Variants in ANK3 observed in about 807,000 individuals in gnomAD.
ANK3 encodes ankyrin 3.
Under a neutral mutation model 370.9 loss-of-function variants are expected in ANK3, and 57 were observed. The observed-to-expected ratio is 0.15, with a 90% CI of 0.12 to 0.19. The LOEUF is 0.19. Ranked by LOEUF, ANK3 falls within the 10% of genes least tolerant of loss-of-function variation. ANK3 has a pLI of 1.00. For missense variants in ANK3, 4,439 were observed against 5,302.1 expected (o/e 0.84, Z 5.06); for synonymous variants, 1,929 against 1,946.3 (o/e 0.99, Z 0.23).
At position 60,439,546 on chromosome 10, in the gene ANK3, G is replaced by A. The variant is rs770162373; in HGVS notation, c.97-159907C>T. On this transcript the variant is annotated intron_variant, in intron 2 of 43. Coordinates refer to the ANK3 transcript ENST00000373827. ...TAAAAAAAAACAAAAAACACAGACC[G>A]TGTTTGAGAATTTATATATGAAGTT... Among the ~76,000 whole-genome samples the A allele has an allele frequency of 2.4e-4, 36 of 152,182 alleles. 1 individual carries two copies. Among genetic ancestry groups the A allele is most frequent in the Admixed American group, 8.5e-4 (13 of 15,284 alleles).
At chr10:60,530,504 C>A (rs773940449) in intron 2 of ANK3, among the ~76,000 whole-genome samples, 1 of 149,140 alleles carries the variant, frequency 6.7e-6, no homozygotes, top group Non-Finnish European at 1.5e-5. Flanking sequence ...GATAAGAAAA[C>A]TAAGGCACTG....
chr10:60,550,668 A>G (rs1408472516), intron 2 of ANK3, among the ~76,000 whole-genome samples: 1 of 152,106 alleles, frequency 6.6e-6, no homozygotes, highest in African/African-American at 2.4e-5. Context: ...AATAAATGAT[A>G]TTTAACTTTA....
chr10:60,452,641 T>C (rs889631377), intron 2 of ANK3, among the ~76,000 whole-genome samples: 2 of 152,238 alleles, frequency 1.3e-5, no homozygotes, highest in Non-Finnish European at 2.9e-5. Flanking sequence ...TTCCAAACTT[T>C]ATAAAGATAC....
chr10:60,287,289 A>T (rs899357756), intron 1 of ANK3, among the ~76,000 whole-genome samples: 3 of 151,954 alleles, frequency 2.0e-5, no homozygotes, highest in African/African-American at 7.3e-5. Flanking sequence ...TGTTTTCCTA[A>T]CTTCTTAGCT....
chr10:60,378,095 G>A (rs2061051740), intron 1 of ANK3, among the ~76,000 whole-genome samples: 1 of 152,072 alleles, frequency 6.6e-6, no homozygotes, highest in Non-Finnish European at 1.5e-5. Context: ...TTGTCAAGGA[G>A]GAAAACAATC....
chr10:60,598,559 T>C (rs2078018711), intron 2 of ANK3, among the ~76,000 whole-genome samples: 1 of 152,180 alleles, frequency 6.6e-6, no homozygotes, highest in Admixed American at 6.5e-5. Flanking sequence ...ATGAAAGGAA[T>C]TGCTGTATTT....
At chr10:60,538,315 CT>C (rs1012761737) in intron 2 of ANK3, among the ~76,000 whole-genome samples, 3 of 151,924 alleles carry the variant, frequency 2.0e-5, no homozygotes, top group African/African-American at 7.2e-5. Flanking sequence ...ATACACTAGA[CT>C]TTTCTGTATA....
At chr10:60,199,181 A>G (rs890187211) in intron 13 of ANK3, among the ~76,000 whole-genome samples, 2 of 152,166 alleles carry the variant, frequency 1.3e-5, no homozygotes, top group African/African-American at 4.8e-5. Context: ...CTTATCCCCA[A>G]GTGGGAGGCG....
chr10:60,457,401 G>A (rs72807905), intron 2 of ANK3, among the ~76,000 whole-genome samples: 1 of 152,148 alleles, frequency 6.6e-6, no homozygotes, highest in African/African-American at 2.4e-5. Flanking sequence ...AGAAGATAAA[G>A]GCTCTGCCAG....
intron 4 of ANK3, among the ~76,000 whole-genome samples, chr10:60,276,979 T>A (rs1427664315): frequency 6.6e-6 from 1 of 152,230 alleles, no homozygotes; most frequent in Non-Finnish European, 1.5e-5. Context: ...TATTCAATTT[T>A]ACATCATTCC....
intron 1 of ANK3, among the ~76,000 whole-genome samples, chr10:60,689,220 T>C (rs1241832941): frequency 6.6e-6 from 1 of 152,004 alleles, no homozygotes; most frequent in Non-Finnish European, 1.5e-5. Flanking sequence ...GGAAACATAG[T>C]GAGACTGTAA....
At chr10:60,404,885 A>T (rs2063422428) in intron 2 of ANK3, among the ~76,000 whole-genome samples, 1 of 152,172 alleles carries the variant, frequency 6.6e-6, no homozygotes, top group South Asian at 2.1e-4. Context: ...TAAAAAACAC[A>T]GTTAAAAATG....
At chr10:60,130,999 C>T (rs912094949) in intron 25 of ANK3, among the ~76,000 whole-genome samples, 5 of 152,152 alleles carry the variant, frequency 3.3e-5, no homozygotes, top group African/African-American at 7.2e-5. Flanking sequence ...GCTATATTTG[C>T]TTTAACTTTA....
At chr10:60,517,367 C>T (rs944637302) in intron 2 of ANK3, among the ~76,000 whole-genome samples, 1 of 151,990 alleles carries the variant, frequency 6.6e-6, no homozygotes, top group Admixed American at 6.6e-5. Context: ...CCAGCCGATT[C>T]TTAGTTTTCT....
At chr10:60,034,780 C>T (rs1409026177) in intron 43 of ANK3, among the ~76,000 whole-genome samples, 2 of 152,144 alleles carry the variant, frequency 1.3e-5, no homozygotes, top group South Asian at 2.1e-4. Context: ...TCTCCCTACC[C>T]ACCTCTCTCT....
At chr10:60,036,300 C>T (rs1051493425) in intron 43 of ANK3, among the ~76,000 whole-genome samples, 1 of 152,044 alleles carries the variant, frequency 6.6e-6, no homozygotes, top group African/African-American at 2.4e-5. Context: ...CCTCTGTAAT[C>T]CAAAGCTCTT....
chr10:60,083,696 A>G, intron 32 of ANK3, 79 bp from the exon 33 acceptor site: 1 of 1,255,828 alleles, frequency 8.0e-7, no homozygotes, highest in Non-Finnish European at 1.1e-6. Context: ...ACGTAACGTT[A>G]AAAGACTGAC....
intron 4 of ANK3, among the ~76,000 whole-genome samples, 191 bp downstream of exon 4, chr10:60,278,583 G>A (rs566298963): frequency 6.6e-6 from 1 of 152,170 alleles, no homozygotes; most frequent in South Asian, 2.1e-4. Context: ...TGTTGGCCAG[G>A]CTGGTCTCAA....
intron 23 of ANK3, among the ~76,000 whole-genome samples, chr10:60,152,325 A>G (rs1260858371): frequency 6.6e-6 from 1 of 152,250 alleles, no homozygotes; most frequent in East Asian, 1.9e-4. Flanking sequence ...TTTAGGTATT[A>G]TCTCTGGTGG....
Sources: allele counts gnomAD v4.1 joint callset (sites outside exome capture counted in the v4.1 genomes callset), GRCh38; gene constraint gnomAD v4.1.1; transcripts MANE v1.5; gene names NCBI Gene and HGNC (gene_info 2026-07-23, HGNC 2026-07-21).